The following SORD variants were observed in gnomAD, a reference collection of about 807,000 sequenced individuals.
SORD encodes (R,R)-butanediol dehydrogenase.
In SORD, 18 loss-of-function variants were observed where a neutral mutation model predicts 35.6. The observed-to-expected ratio is 0.51, with a 90% confidence interval of 0.35 to 0.75. The LOEUF (loss-of-function observed/expected upper bound fraction) is 0.75. Ranked by LOEUF, SORD falls within the 30% of genes least tolerant of loss-of-function variation. The pLI is 0.01. For missense variants in SORD, 250 were observed against 390.2 expected, an observed-to-expected ratio of 0.64 and a Z score of 3.03; for synonymous variants, 106 against 152.9, an observed-to-expected ratio of 0.69 and a Z score of 2.26.
intron 7 of SORD, chr15:45,070,114 A>G (rs1893486770): frequency 6.6e-6 from 1 of 152,030 alleles, no homozygotes; most frequent in Non-Finnish European, 1.5e-5. Context: ...ATGCTGAGGG[A>G]TTTGTGGTTT....
intron 5 of SORD, among the ~76,000 whole-genome samples, chr15:45,067,180 G>A: frequency 6.6e-6 from 1 of 152,102 alleles, no homozygotes; most frequent in Non-Finnish European, 1.5e-5. Context: ...TGGCCAACAT[G>A]GTGAAACCCC....
chr15:45,062,248 C>T (rs1164900831), intron 4 of SORD, among the ~76,000 whole-genome samples: 8 of 152,234 alleles, frequency 5.3e-5, no homozygotes, highest in Admixed American at 1.3e-4. Flanking sequence ...AACCAAGAGT[C>T]AAACTGGGGT....
Position 45,074,602 on chromosome 15 carries a change from C to A in SORD, c.*1072C>A, listed in dbSNP as rs1247883691. The A allele has an allele frequency of 7.3e-6, 1 of 137,400 alleles. No homozygotes were observed. Among genetic ancestry groups the A allele is most frequent in the Non-Finnish European group, 1.5e-5 (1 of 67,518 alleles). The allele number at this position is 137,400 out of a possible 1,614,324, so 8.5% of individuals were successfully genotyped here. ...CTTATTTTAATGGTGGGTTTTTTTT[C>A]TGGTAAGATTTAGACCTAAATCGCA... On this transcript the variant is annotated 3_prime_UTR_variant, in exon 9 of 9. Transcript: ENST00000267814.
At chr15:45,067,907 C>T (rs192166724) in intron 5 of SORD, among the ~76,000 whole-genome samples, 1 of 152,292 alleles carries the variant, frequency 6.6e-6, no homozygotes, top group Non-Finnish European at 1.5e-5. Context: ...ATTATCTCCA[C>T]TAGTGCCCAG....
chr15:45,045,572 G>A (rs1200816489), intron 3 of SORD, among the ~76,000 whole-genome samples: 1 of 142,746 alleles, frequency 7.0e-6, no homozygotes, highest in Non-Finnish European at 1.5e-5. Context: ...AAAAAAAAGA[G>A]GAAGTGAACA....
chr15:45,064,247 G>A (rs1329169216), intron 4 of SORD, among the ~76,000 whole-genome samples: 2 of 152,210 alleles, frequency 1.3e-5, no homozygotes, highest in South Asian at 2.1e-4. Flanking sequence ...GACAGGCAGA[G>A]GATGTGGAAT....
intron 1 of SORD, among the ~76,000 whole-genome samples, chr15:45,028,051 C>G (rs72722062): frequency 0.039 from 5,817 of 150,528 alleles, no homozygotes; most frequent in African/African-American, 0.078. Flanking sequence ...AACAGCCAGG[C>G]ACGGTGGCTC....
chr15:45,039,581 C>A (rs1475919878), intron 1 of SORD, among the ~76,000 whole-genome samples: 1 of 152,216 alleles, frequency 6.6e-6, no homozygotes, highest in Non-Finnish European at 1.5e-5. Context: ...GCTGCTACTG[C>A]TACTACTACT....
intron 2 of SORD, among the ~76,000 whole-genome samples, chr15:45,041,547 G>T (rs1165502986): frequency 2.0e-5 from 3 of 152,106 alleles, no homozygotes; most frequent in Non-Finnish European, 2.9e-5. Flanking sequence ...TTGTGTTATC[G>T]ACTTGTAAGT....
intron 1 of SORD, among the ~76,000 whole-genome samples, chr15:45,031,422 A>T (rs1892784611): frequency 6.6e-6 from 1 of 152,090 alleles, no homozygotes; most frequent in Admixed American, 6.5e-5. Context: ...TTGAAACAAC[A>T]AAGTGGGAGG....
At chr15:45,036,303 C>A (rs942622017) in intron 1 of SORD, 2 of 455,716 alleles carry the variant, frequency 4.4e-6, no homozygotes, top group Non-Finnish European at 8.8e-6. Context: ...ATATGTATTT[C>A]TGACTTGAAG....
At position 45,073,552 on chromosome 15, in the gene SORD, T is replaced by A. The variant is rs767229268; in HGVS notation, c.*22T>A. 6.3e-7 allele frequency: 1 copy of A among 1,599,726 alleles called. No individual in the cohort carries two copies. The highest frequency in any genetic ancestry group is 2.2e-5 in the East Asian group (1 of 44,724). Reference sequence around the variant, plus strand: ...CTGATGTTAATGGGCTCTGCCCTCATCCCCACAGTCTTGGGATCTCAGGGC... The same window carrying A: ...CTGATGTTAATGGGCTCTGCCCTCAACCCCACAGTCTTGGGATCTCAGGGC... On this transcript the variant is annotated 3_prime_UTR_variant, in exon 9 of 9. Transcript: ENST00000267814.
At chr15:45,034,828 G>A (rs1303479294) in intron 1 of SORD, among the ~76,000 whole-genome samples, 1 of 152,264 alleles carries the variant, frequency 6.6e-6, no homozygotes, top group Non-Finnish European at 1.5e-5. Context: ...GCAGGGAGGT[G>A]TGGAGAGAGA....
At chr15:45,061,465 T>C (rs1193791380) in intron 4 of SORD, among the ~76,000 whole-genome samples, 3 of 152,168 alleles carry the variant, frequency 2.0e-5, no homozygotes, top group East Asian at 1.9e-4. Context: ...AGAGCAACAA[T>C]AGAAAATTAT....
intron 1 of SORD, among the ~76,000 whole-genome samples, chr15:45,027,570 G>C (rs1353891301): frequency 6.6e-6 from 1 of 152,256 alleles, no homozygotes; most frequent in African/African-American, 2.4e-5. Context: ...CTTAAAAAGA[G>C]GTGGATGGAG....
intron 7 of SORD, 113 bp downstream of exon 7, chr15:45,069,165 TCATCTTTTGC>T (rs1466762015): frequency 4.2e-6 from 2 of 471,316 alleles, no homozygotes; most frequent in African/African-American, 2.0e-5. Flanking sequence ...CCAAACTTAT[TCATCTTTTGC>T]CATCTATGTT....
At position 45,061,203 on chromosome 15, in the gene SORD, GCACAA is replaced by G; in HGVS notation, c.403_407del (p.His135CysfsTer9). On this transcript the variant is annotated frameshift_variant, in exon 4 of 9. Coordinates refer to ENST00000267814, the MANE Select transcript of SORD (RefSeq NM_003104.6). LOFTEE classifies it high-confidence loss of function. ...ACGGGAACCTCTGCCGGTTCTATAA[GCACAA>G]TGCAGCCTTTTGTTACAAGTTAGTG... The G allele has an allele frequency of 6.2e-7, 1 of 1,614,226 alleles. No individual in the cohort carries two copies. Among genetic ancestry groups the G allele is most frequent in the South Asian group, 1.1e-5 (1 of 91,084 alleles).
chr15:45,068,848 A>ATTTTTTTTTTTTTTTTTTT (rs55800536), intron 6 of SORD, 29 bp from the exon 7 acceptor site: 1 of 1,052,276 alleles, frequency 9.5e-7, no homozygotes, highest in Non-Finnish European at 1.2e-6. Flanking sequence ...GTTTGAAAGA[A>ATTTTTTTTTTTTTTTTTTT]TTTTTTTTTT....
intron 3 of SORD, among the ~76,000 whole-genome samples, chr15:45,044,724 A>T (rs2141271590): frequency 7.2e-6 from 1 of 138,130 alleles, no homozygotes. Context: ...TTTTTGACGG[A>T]GTCTCGCTCT....
Sources: gnomAD v4.1 joint callset for allele counts (sites outside exome capture counted in the v4.1 genomes callset) on GRCh38, gnomAD v4.1.1 for gene constraint, MANE v1.5 for transcripts, NCBI Gene and HGNC (gene_info 2026-07-23, HGNC 2026-07-21) for gene names.